Variants in PTCHD4 observed in about 807,000 individuals in gnomAD.
PTCHD4 encodes patched domain containing 4.
PTCHD4 carries 33 observed loss-of-function variants against 58.1 expected under a neutral mutation model. The ratio of observed to expected loss-of-function variants is 0.57; its 90% CI spans 0.43 to 0.76. The LOEUF (loss-of-function observed/expected upper bound fraction) is 0.76, where lower values mean the gene tolerates loss of function less well. PTCHD4 is among the 30% of genes least tolerant of loss of function. The probability of loss-of-function intolerance (pLI) is 0.00; values close to 1 mark genes in which losing one functional copy is unlikely to be tolerated. For synonymous variants in PTCHD4, 478 were observed against 409.6 expected, an observed-to-expected ratio of 1.17 and a Z score of -2.02; for missense variants, 1,058 against 1,027.1, an observed-to-expected ratio of 1.03 and a Z score of -0.41.
rs935406579 is a variant in PTCHD4 at position 47,878,180 on chromosome 6, G to A, written c.*123C>T. The A allele has an allele frequency of 3.3e-5, 26 of 785,444 alleles. No individual in the cohort carries two copies. The highest frequency in any genetic ancestry group is 5.3e-5 in the Non-Finnish European group (26 of 489,294). The allele number at this position is 785,444 out of a possible 1,614,324, so 48.7% of individuals were successfully genotyped here. On this transcript the variant is annotated 3_prime_UTR_variant, in exon 5 of 5. Coordinates refer to ENST00000339488, the MANE Select transcript of PTCHD4 (RefSeq NM_001384253.1). ...GGCACCTTGAAGTGTCATGAATAAT[G>A]CACTCTTGATCTGACTTGCCTTGTT...
intron 4 of PTCHD4, among the ~76,000 whole-genome samples, chr6:47,956,818 C>A (rs1766880342): frequency 6.6e-6 from 1 of 152,066 alleles, no homozygotes. Context: ...AAGATAAAAT[C>A]ATTTGAAGAT....
At chr6:48,086,433 TC>T (rs1438676524) in intron 1 of PTCHD4, among the ~76,000 whole-genome samples, 3 of 152,016 alleles carry the variant, frequency 2.0e-5, no homozygotes, top group Non-Finnish European at 4.4e-5. Context: ...AGAAGAATAT[TC>T]TTTAATAAAA....
chr6:47,875,739 G>T lies in PTCHD4; in HGVS notation c.*2564C>A, dbSNP rs1017236209. Reference sequence around the variant, plus strand: ...TGGATGGAGACATAATATTAGATCTGCCCTGGTCATTTGGCAGTGTATACC... The same window carrying T: ...TGGATGGAGACATAATATTAGATCTTCCCTGGTCATTTGGCAGTGTATACC... On this transcript the variant is annotated 3_prime_UTR_variant, in exon 5 of 5. Transcript: ENST00000339488. 6.6e-6 allele frequency among the ~76,000 whole-genome samples: 1 copy of T among 151,764 alleles called. No homozygotes were observed. Among genetic ancestry groups the T allele is most frequent in the Non-Finnish European group, 1.5e-5 (1 of 67,852 alleles).
chr6:47,909,574 A>G (rs1165155747), intron 4 of PTCHD4, among the ~76,000 whole-genome samples: 1 of 152,016 alleles, frequency 6.6e-6, no homozygotes, highest in East Asian at 1.9e-4. Flanking sequence ...TGGCCTCTTG[A>G]GTAACTAGAA....
intron 4 of PTCHD4, among the ~76,000 whole-genome samples, chr6:48,004,695 T>G (rs962003725): frequency 6.6e-6 from 1 of 152,230 alleles, no homozygotes; most frequent in South Asian, 2.1e-4. Context: ...GGCAGGTGGA[T>G]CACCTGAGGT....
At chr6:48,050,501 T>C (rs1764192982) in intron 3 of PTCHD4, among the ~76,000 whole-genome samples, 1 of 152,064 alleles carries the variant, frequency 6.6e-6, no homozygotes, top group East Asian at 1.9e-4. Flanking sequence ...GAATACTGGA[T>C]CCATCCAATC....
Position 47,868,626 on chromosome 6 carries a change from A to G in PTCHD4, c.*9677T>C, listed in dbSNP as rs1174645846. 1.3e-5 allele frequency among the ~76,000 whole-genome samples: 2 copies of G among 151,806 alleles called. No individual in the cohort carries two copies. Among genetic ancestry groups the G allele is most frequent in the Non-Finnish European group, 2.9e-5 (2 of 67,826 alleles). ...TAAAATAAAATCAGTGGAGAATTTC[A>G]ACTTGAAGCACATATAAATGACAAT... On this transcript the variant is annotated 3_prime_UTR_variant, in exon 5 of 5. Transcript: ENST00000339488.
At chr6:47,992,749 T>A (rs1455554169) in intron 4 of PTCHD4, among the ~76,000 whole-genome samples, 2 of 152,222 alleles carry the variant, frequency 1.3e-5, no homozygotes, top group African/African-American at 2.4e-5. Flanking sequence ...ACTTTCTTTT[T>A]CTTTGAATGT....
At position 47,879,530 on chromosome 6, in the gene PTCHD4, C is replaced by T. The variant is rs752591947; in HGVS notation, c.1305G>A (p.Thr435=). The T allele has an allele frequency of 4.3e-5, 69 of 1,613,612 alleles. No individual in the cohort carries two copies. The highest frequency in any genetic ancestry group is 3.3e-4 in the Middle Eastern group (2 of 6,080). Residue 435 remains threonine, a synonymous_variant, in exon 5 of 5, where the codon ACG becomes ACA. Coordinates refer to ENST00000339488, the MANE Select transcript of PTCHD4 (RefSeq NM_001384253.1). ...GAATGAAGTGGTGCTGGTAGGGGTTCGTCTCATGATGGGACGTCTGTTGAT... is the reference window on the plus strand; with the variant it reads ...GAATGAAGTGGTGCTGGTAGGGGTTTGTCTCATGATGGGACGTCTGTTGAT... ...DGHQQTSHHE[T]NPYQHHFIQH...
intron 4 of PTCHD4, among the ~76,000 whole-genome samples, chr6:47,989,596 C>T (rs1425358884): frequency 6.6e-6 from 1 of 152,180 alleles, no homozygotes; most frequent in Non-Finnish European, 1.5e-5. Flanking sequence ...CAGGCTGTTG[C>T]TTCAGAAGGT....
chr6:47,933,901 A>G (rs1233019520), intron 4 of PTCHD4, among the ~76,000 whole-genome samples: 1 of 152,194 alleles, frequency 6.6e-6, no homozygotes, highest in Non-Finnish European at 1.5e-5. Flanking sequence ...TTACTTCTTA[A>G]TAAAGGTATC....
At chr6:48,035,605 C>T (rs944263311) in intron 3 of PTCHD4, among the ~76,000 whole-genome samples, 2 of 152,250 alleles carry the variant, frequency 1.3e-5, no homozygotes, top group Admixed American at 6.5e-5. Flanking sequence ...CAAGCCTTGG[C>T]TTTTGGATTT....
intron 4 of PTCHD4, among the ~76,000 whole-genome samples, chr6:47,990,142 C>A (rs898071415): frequency 2.6e-5 from 4 of 152,174 alleles, no homozygotes; most frequent in African/African-American, 9.6e-5. Flanking sequence ...AATTTCTCCC[C>A]TTTGGAATGA....
chr6:48,085,272 G>A (rs1428261835), intron 1 of PTCHD4, among the ~76,000 whole-genome samples: 1 of 152,076 alleles, frequency 6.6e-6, no homozygotes, highest in African/African-American at 2.4e-5. Context: ...TAAAAATTAA[G>A]TTATTTTCTG....
chr6:48,041,890 C>T (rs1162024446), intron 3 of PTCHD4, among the ~76,000 whole-genome samples: 1 of 151,710 alleles, frequency 6.6e-6, no homozygotes, highest in African/African-American at 2.4e-5. Context: ...GTTTATATAA[C>T]TAGTAAAAAA....
intron 3 of PTCHD4, among the ~76,000 whole-genome samples, chr6:48,061,662 G>T (rs573482077): frequency 1.3e-5 from 2 of 152,106 alleles, no homozygotes; most frequent in Non-Finnish European, 2.9e-5. Context: ...TCATGCTGCT[G>T]GTCTATACAA....
intron 4 of PTCHD4, among the ~76,000 whole-genome samples, chr6:47,920,379 T>C (rs1252682383): frequency 6.6e-6 from 1 of 151,968 alleles, no homozygotes; most frequent in African/African-American, 2.4e-5. Flanking sequence ...AGGGTGGGGG[T>C]CCAGATGGGG....
At chr6:48,109,914 T>C (rs1765828601) in intron 1 of PTCHD4, among the ~76,000 whole-genome samples, 1 of 151,938 alleles carries the variant, frequency 6.6e-6, no homozygotes, top group East Asian at 1.9e-4. Context: ...GCTATTATTT[T>C]AAAAATAAAA....
chr6:48,105,026 A>G (rs1765688913), intron 1 of PTCHD4, among the ~76,000 whole-genome samples: 1 of 152,188 alleles, frequency 6.6e-6, no homozygotes, highest in East Asian at 1.9e-4. Context: ...GCCCACTGTC[A>G]ATATTAGACA....
Sources: allele counts gnomAD v4.1 joint callset (sites outside exome capture counted in the v4.1 genomes callset), GRCh38; gene constraint gnomAD v4.1.1; transcripts MANE v1.5; gene names NCBI Gene and HGNC (gene_info 2026-07-23, HGNC 2026-07-21).